The following LHX9 variants were observed in gnomAD, a reference collection of about 807,000 sequenced individuals.
The protein encoded by LHX9 is LIM/homeobox protein Lhx9.
A neutral mutation model predicts 36.5 loss-of-function variants in LHX9; 9 were observed. The observed-to-expected ratio is 0.25, with a 90% confidence interval of 0.15 to 0.43. The LOEUF is 0.43. LHX9 is among the 20% of genes least tolerant of loss of function. The pLI, the probability that LHX9 is intolerant of heterozygous loss-of-function variation, is 1.00. For missense variants in LHX9, 464 were observed against 526.4 expected (o/e 0.88, Z 1.16); for synonymous variants, 211 against 212.1 (o/e 0.99, Z 0.04).
At chr1:197,912,739 T>C, upstream of LHX9, 2 of 706,806 alleles carry the variant, frequency 2.8e-6, no homozygotes, top group Admixed American at 2.1e-5. Context: ...TTTCAGAGTC[T>C]CCTGATAGGA....
rs1350551943 is a variant in LHX9 at position 197,929,692 on chromosome 1, C to A, written c.*433C>A. 27 of 932,548 alleles carry A rather than the reference C, an allele frequency of 2.9e-5. No homozygotes were observed. Among genetic ancestry groups the A allele is most frequent in the Non-Finnish European group, 2.8e-5 (22 of 781,870 alleles). The allele number at this position is 932,548 out of a possible 1,614,324, so 57.8% of individuals were successfully genotyped here. On this transcript the variant is annotated 3_prime_UTR_variant, in exon 5 of 5. Transcript: ENST00000367387. The stretch of plus-strand genomic sequence containing the variant: ...ATAATTAATTAGTTACTTTTTAAAT[C>A]TTGCAATTGTATGTGTGATTATGGA...
intron 4 of LHX9, among the ~76,000 whole-genome samples, chr1:197,928,674 C>A (rs556843071): frequency 6.6e-6 from 1 of 152,056 alleles, no homozygotes; most frequent in African/African-American, 2.4e-5. Context: ...CCGTGTATTT[C>A]CCCCTTTTTA....
intron 4 of LHX9, among the ~76,000 whole-genome samples, chr1:197,928,249 A>G (rs1055544586): frequency 2.0e-5 from 3 of 152,218 alleles, no homozygotes; most frequent in Non-Finnish European, 2.9e-5. Context: ...AGCCAAAAGT[A>G]TGGTTAGTGT....
Position 197,931,780 on chromosome 1 carries a change from C to T in LHX9, c.*2521C>T, listed in dbSNP as rs562395438. On this transcript the variant is annotated 3_prime_UTR_variant, in exon 5 of 5. Transcript: ENST00000367387. ...TAGCATATAAAGTAATTGCATGGAA[C>T]GAAACCTTAAATATGATTAAGATTT... The T allele has an allele frequency of 2.5e-5, 15 of 590,200 alleles. No homozygotes were observed. Among genetic ancestry groups the T allele is most frequent in the South Asian group, 2.3e-4 (8 of 34,294 alleles). The allele number at this position is 590,200 out of a possible 1,614,324, so 36.6% of individuals were successfully genotyped here.
chr1:197,915,604 G>A (rs1659723326), upstream of LHX9, among the ~76,000 whole-genome samples: 1 of 152,176 alleles, frequency 6.6e-6, no homozygotes, highest in South Asian at 2.1e-4. Flanking sequence ...GTGAAATTGC[G>A]TTTTATGAGC....
rs1660361784 is a variant in LHX9, at chr1:197,932,842, C to T, written c.*3583C>T. On this transcript the variant is annotated 3_prime_UTR_variant, in exon 5 of 5. Transcript: ENST00000367387. ...TGAACCCAAATTACAACAAAATAAA[C>T]CTTAGAATAAACTATTGTGTAAAAT... 1 of 151,830 alleles carries T rather than the reference C, an allele frequency of 6.6e-6. No individual in the cohort carries two copies. The highest frequency in any genetic ancestry group is 6.6e-5 in the Admixed American group (1 of 15,262). The allele number at this position is 151,830 out of a possible 1,614,324, so 9.4% of individuals were successfully genotyped here.
At chr1:197,919,096 C>T (rs955864079) in intron 1 of LHX9, among the ~76,000 whole-genome samples, 2 of 152,210 alleles carry the variant, frequency 1.3e-5, no homozygotes, top group East Asian at 1.9e-4. Context: ...GGGAAATGTC[C>T]GGAGGTTAAC....
chr1:197,922,366 C>T (rs1660020170), intron 3 of LHX9, among the ~76,000 whole-genome samples: 1 of 152,206 alleles, frequency 6.6e-6, no homozygotes, highest in Non-Finnish European at 1.5e-5. Flanking sequence ...TATCTCAGGC[C>T]ATTCATCTAT....
upstream of LHX9, chr1:197,917,111 T>TGG: frequency 5.2e-6 from 1 of 191,006 alleles, no homozygotes; most frequent in Non-Finnish European, 9.4e-6. Context: ...TGTGTGTGTG[T>TGG]GTGTGCGCGC....
intron 1 of LHX9, among the ~76,000 whole-genome samples, 179 bp from the exon 2 acceptor site, chr1:197,919,793 A>C (rs1428796030): frequency 6.6e-6 from 1 of 152,246 alleles, no homozygotes. Context: ...GGAAGAAAGC[A>C]AGCGGGCCGC....
At chr1:197,927,511 A>G in intron 3 of LHX9, 80 bp from the exon 4 acceptor site, 2 of 1,131,814 alleles carry the variant, frequency 1.8e-6, no homozygotes, top group South Asian at 1.2e-5. Flanking sequence ...TTACCATAGC[A>G]GTGTCATACA....
intron 3 of LHX9, among the ~76,000 whole-genome samples, chr1:197,925,846 C>T (rs1048993557): frequency 6.6e-5 from 10 of 152,188 alleles, no homozygotes. Context: ...TTAATACTCA[C>T]TTGTAATTTA....
In LHX9 at chr1:197,917,934, G is replaced by T. The variant is rs776528891; in HGVS notation, c.111G>T (p.Met37Ile). The T allele has an allele frequency of 1.2e-6, 2 of 1,614,208 alleles. No individual in the cohort carries two copies. Among genetic ancestry groups the T allele is most frequent in the Non-Finnish European group, 1.7e-6 (2 of 1,180,026 alleles). Reference protein sequence around the residue: ...GGHIQGIMEEMERRSKTEARL... With the variant: ...GGHIQGIMEEIERRSKTEARL... ...ACATCCAAGGCATCATGGAGGAGAT[G>T]GAGCGCAGATCCAAGACTGAGGCCC... The change falls in exon 1 of 5, where the codon ATG becomes ATT. Residue 37 changes from methionine (M) to isoleucine (I), a missense_variant. This residue lies in a region of LHX9 where 119 missense variants were observed against 102.4 expected (regional missense o/e 1.16). Transcript: ENST00000367387.
At chr1:197,928,060 C>T (rs565147595) in intron 4 of LHX9, among the ~76,000 whole-genome samples, 48 of 152,324 alleles carry the variant, frequency 3.2e-4, no homozygotes, top group Non-Finnish European at 2.9e-4. Flanking sequence ...GCTTGTCTCA[C>T]TGCTGTGCAA....
Position 197,929,682 on chromosome 1 carries a change from C to G in LHX9, c.*423C>G, listed in dbSNP as rs1463967820. 5.4e-6 allele frequency: 5 copies of G among 925,908 alleles called. No individual in the cohort carries two copies. The South Asian group carries it at 2.5e-4, about 46-fold the overall frequency. The allele number at this position is 925,908 out of a possible 1,614,324, so 57.4% of individuals were successfully genotyped here. A position where few individuals can be genotyped will look rare whatever the true frequency, so the allele number is the denominator to read the frequency against. On this transcript the variant is annotated 3_prime_UTR_variant, in exon 5 of 5. Transcript: ENST00000367387. ...AAAGAACCAGATAATTAATTAGTTA[C>G]TTTTTAAATCTTGCAATTGTATGTG...
At chr1:197,915,783 C>G (rs1360435630), upstream of LHX9, 1 of 152,274 alleles carries the variant, frequency 6.6e-6, no homozygotes, top group Non-Finnish European at 1.5e-5. Context: ...GCTGCTGCAC[C>G]AGGGGTCGTT....
chr1:197,917,260 T>C (rs1039759155), upstream of LHX9: 3 of 1,218,160 alleles, frequency 2.5e-6, no homozygotes, highest in African/African-American at 4.8e-5. Flanking sequence ...CAGGTCTTTG[T>C]TGTCTGAATA....
Position 197,933,147 on chromosome 1 carries a change from A to G in LHX9, c.*3888A>G, listed in dbSNP as rs1027440438. 12 of 152,188 alleles carry G rather than the reference A, an allele frequency of 7.9e-5. No individual in the cohort carries two copies. The highest frequency in any genetic ancestry group is 3.5e-3 in the Middle Eastern group (1 of 286). The allele number at this position is 152,188 out of a possible 1,614,324, so 9.4% of individuals were successfully genotyped here. The stretch of plus-strand genomic sequence containing the variant: ...CTATTTAGCCGTATATCCAAAGCAT[A>G]TGTTAAACAAACTAACATATACTTT... On this transcript the variant is annotated 3_prime_UTR_variant, in exon 5 of 5. Transcript: ENST00000367387.
upstream of LHX9, chr1:197,917,224 T>C: frequency 8.4e-7 from 1 of 1,194,910 alleles, no homozygotes. Context: ...TGCTTGCCCA[T>C]CACCAGGGGG....
Sources: gnomAD v4.1 joint callset for allele counts (sites outside exome capture counted in the v4.1 genomes callset) on GRCh38, gnomAD v4.1.1 for gene constraint, gnomAD v4.1.1 regional missense constraint, MANE v1.5 for transcripts, NCBI Gene and HGNC (gene_info 2026-07-23, HGNC 2026-07-21) for gene names.